Variants in LIPI observed in about 807,000 individuals in gnomAD.
LIPI encodes lipase member I.
In LIPI, 59 loss-of-function variants were observed where a neutral mutation model predicts 50.6. The observed-to-expected ratio is 1.16, with a 90% CI of 0.94 to 1.45. LIPI has a LOEUF of 1.45. Ranked by LOEUF, LIPI falls within the 40% of genes most tolerant of loss-of-function variation. The probability of loss-of-function intolerance (pLI) is 0.00; values close to 1 mark genes in which losing one functional copy is unlikely to be tolerated. For synonymous variants in LIPI, 203 were observed against 178.2 expected (o/e 1.14, Z -1.11); for missense variants, 586 against 536.3 (o/e 1.09, Z -0.92).
At chr21:14,170,612 A>C (rs2018862087) in intron 4 of LIPI, among the ~76,000 whole-genome samples, 1 of 152,166 alleles carries the variant, frequency 6.6e-6, no homozygotes. Context: ...AAAGACAAAA[A>C]CCACATGATT....
At chr21:14,202,572 A>G (rs1600938172) in intron 1 of LIPI, among the ~76,000 whole-genome samples, 1 of 152,202 alleles carries the variant, frequency 6.6e-6, no homozygotes. Flanking sequence ...GAGAAAAACA[A>G]GAAATGGGGA....
intron 2 of LIPI, 79 bp downstream of exon 2, chr21:14,188,954 TG>T: frequency 5.1e-6 from 6 of 1,171,188 alleles, no homozygotes; most frequent in Non-Finnish European, 7.6e-6. Flanking sequence ...TTTGTGGTAT[TG>T]AATGTAACAC....
At chr21:14,174,538 T>C (rs2019027694) in intron 4 of LIPI, among the ~76,000 whole-genome samples, 1 of 150,146 alleles carries the variant, frequency 6.7e-6, no homozygotes. Flanking sequence ...AAATCATCTG[T>C]TGTTTATTTT....
At chr21:14,194,072 G>T (rs1016180012) in intron 1 of LIPI, among the ~76,000 whole-genome samples, 2 of 152,078 alleles carry the variant, frequency 1.3e-5, no homozygotes, top group African/African-American at 4.8e-5. Flanking sequence ...TGGGGAAACA[G>T]AAATCAAAAG....
intron 8 of LIPI, among the ~76,000 whole-genome samples, chr21:14,145,814 A>C (rs2017884044): frequency 1.3e-5 from 2 of 152,118 alleles, no homozygotes; most frequent in Admixed American, 6.5e-5. Context: ...CTGAAGAGTA[A>C]CTAGTAGGGC....
chr21:14,210,565 C>G (rs2123369475), intron 1 of LIPI, among the ~76,000 whole-genome samples: 1 of 151,864 alleles, frequency 6.6e-6, no homozygotes, highest in Non-Finnish European at 1.5e-5. Flanking sequence ...TTTCTAGTTA[C>G]TAATTATCTG....
At chr21:14,151,877 G>A (rs1390974762) in intron 8 of LIPI, among the ~76,000 whole-genome samples, 1 of 151,842 alleles carries the variant, frequency 6.6e-6, no homozygotes. Context: ...CCTATTGTTT[G>A]GGAGCCTTGT....
At chr21:14,116,417 G>A (rs1009668518) in intron 9 of LIPI, among the ~76,000 whole-genome samples, 5 of 152,132 alleles carry the variant, frequency 3.3e-5, no homozygotes, top group African/African-American at 7.2e-5. Flanking sequence ...AATAGGACCC[G>A]GTCTGGTGAA....
chr21:14,112,978 C>T lies in LIPI; in HGVS notation c.1296-3898G>A, dbSNP rs149983276. Among the ~76,000 whole-genome samples, 1,142 of 152,252 alleles carry T rather than the reference C, an allele frequency of 7.5e-3. 15 individuals are homozygous for T. Among genetic ancestry groups the T allele is most frequent in the African/African-American group, 0.025 (1,050 of 41,548 alleles). The stretch of plus-strand genomic sequence containing the variant: ...GAGAAAACCCAATTCATAGTCCACT[C>T]GATAAGGCACATAGAAGGGTCTTCT... On this transcript the variant is annotated intron_variant, in intron 9 of 9. Coordinates refer to ENST00000681601, the MANE Select transcript of LIPI (RefSeq NM_001302998.2).
chr21:14,176,522 A>C (rs1161126197), intron 4 of LIPI, among the ~76,000 whole-genome samples: 1 of 151,712 alleles, frequency 6.6e-6, no homozygotes, highest in Non-Finnish European at 1.5e-5. Context: ...ATATTTGATT[A>C]TATTATTTAT....
intron 9 of LIPI, among the ~76,000 whole-genome samples, chr21:14,123,009 C>G (rs2016921146): frequency 1.3e-5 from 2 of 152,166 alleles, no homozygotes; most frequent in Admixed American, 6.5e-5. Flanking sequence ...TGCTACTAAT[C>G]TTTGAGTCAC....
intron 9 of LIPI, among the ~76,000 whole-genome samples, chr21:14,128,329 T>G (rs936606349): frequency 2.0e-5 from 3 of 152,064 alleles, no homozygotes; most frequent in Non-Finnish European, 4.4e-5. Context: ...ATTTTTAAAC[T>G]AGTAATAACT....
chr21:14,109,017 G>T lies in LIPI; in HGVS notation c.1359C>A (p.Asn453Lys). Residue 453 changes from asparagine (N) to lysine (K), a missense_variant, in exon 10 of 10, where the codon AAC becomes AAA. Asn to Lys is a moderately conservative substitution (Grantham distance 94). Coordinates refer to ENST00000681601, the MANE Select transcript of LIPI (RefSeq NM_001302998.2). The stretch of plus-strand genomic sequence containing the variant: ...CTTATGTGTTCTTTGGTGTACATGT[G>T]TTTGGATTAAGAAACACTTCCTCTC... ...KDREEVFLNP[N>K]TCTPKNT 1 of 1,606,322 alleles carries T rather than the reference G, an allele frequency of 6.2e-7. No homozygotes were observed.
At chr21:14,151,842 G>A (rs1363800836) in intron 8 of LIPI, among the ~76,000 whole-genome samples, 1 of 151,798 alleles carries the variant, frequency 6.6e-6, no homozygotes, top group Non-Finnish European at 1.5e-5. Context: ...TTAAATAAAA[G>A]ATTGAGAAAA....
intron 1 of LIPI, among the ~76,000 whole-genome samples, chr21:14,202,468 C>T (rs2020089734): frequency 6.6e-6 from 1 of 152,254 alleles, no homozygotes; most frequent in East Asian, 1.9e-4. Context: ...CAGCATGGTA[C>T]TGGTACCAAA....
chr21:14,144,358 G>A (rs1418306682), intron 9 of LIPI: 2 of 280,362 alleles, frequency 7.1e-6, no homozygotes, highest in South Asian at 6.3e-5. Flanking sequence ...GCAGGCATTG[G>A]TGTTACTTTT....
At chr21:14,124,892 C>T (rs1028236874) in intron 9 of LIPI, among the ~76,000 whole-genome samples, 5 of 151,902 alleles carry the variant, frequency 3.3e-5, no homozygotes, top group African/African-American at 9.7e-5. Flanking sequence ...CTACTCAGGA[C>T]GCTGAGGCAG....
chr21:14,180,209 G>T (rs1425902688), intron 4 of LIPI, among the ~76,000 whole-genome samples: 1 of 152,068 alleles, frequency 6.6e-6, no homozygotes, highest in East Asian at 1.9e-4. Context: ...CTCTGCTCTT[G>T]AACCCTGTTT....
chr21:14,117,818 A>AAGTGT (rs2016711552), intron 9 of LIPI, among the ~76,000 whole-genome samples: 2 of 152,046 alleles, frequency 1.3e-5, no homozygotes, highest in East Asian at 3.9e-4. Flanking sequence ...GTGGCAACCA[A>AAGTGT]AGTGTTTGTA....
Sources: allele counts gnomAD v4.1 joint callset (sites outside exome capture counted in the v4.1 genomes callset), GRCh38; gene constraint gnomAD v4.1.1; transcripts MANE v1.5; gene names NCBI Gene and HGNC (gene_info 2026-07-23, HGNC 2026-07-21).